PIK3C3: variants seen among roughly 807,000 people sequenced by gnomAD.
The protein encoded by PIK3C3 is phosphatidylinositol 3-kinase catalytic subunit type 3.
Under a neutral mutation model 126.1 loss-of-function variants are expected in PIK3C3, and 95 were observed. The ratio of observed to expected loss-of-function variants is 0.75; its 90% CI spans 0.64 to 0.89. The LOEUF (loss-of-function observed/expected upper bound fraction) is 0.89, where lower values mean the gene tolerates loss of function less well. Ranked by LOEUF, PIK3C3 falls within the 40% of genes least tolerant of loss-of-function variation. PIK3C3 has a pLI of 0.00. For missense variants in PIK3C3, 829 were observed against 1,063.2 expected (o/e 0.78, Z 3.06); for synonymous variants, 374 against 360.0 (o/e 1.04, Z -0.44).
chr18:42,049,711 C>T (rs1276588657), intron 21 of PIK3C3, 106 bp downstream of exon 21: 30 of 860,396 alleles, frequency 3.5e-5, no homozygotes, highest in South Asian at 4.4e-5. Flanking sequence ...CGGTGGCTCA[C>T]GCCCGTAATC....
intron 10 of PIK3C3, among the ~76,000 whole-genome samples, chr18:42,008,500 G>A (rs1194310737): frequency 6.6e-6 from 1 of 152,080 alleles, no homozygotes; most frequent in Non-Finnish European, 1.5e-5. Context: ...TCTATGGAGA[G>A]TTATTCTTAA....
At chr18:42,077,597 C>T (rs1157094294) in intron 24 of PIK3C3, among the ~76,000 whole-genome samples, 6 of 152,220 alleles carry the variant, frequency 3.9e-5, no homozygotes, top group African/African-American at 1.4e-4. Flanking sequence ...GCAATTCAGT[C>T]ACATATTCAG....
At chr18:41,956,783 T>G (rs1979799055) in intron 1 of PIK3C3, among the ~76,000 whole-genome samples, 1 of 152,188 alleles carries the variant, frequency 6.6e-6, no homozygotes, top group African/African-American at 2.4e-5. Context: ...GTGTTTATTC[T>G]CAGCTCTGTT....
chr18:42,043,641 C>T (rs1175273306), intron 19 of PIK3C3, 92 bp from the exon 20 acceptor site: 3 of 770,724 alleles, frequency 3.9e-6, no homozygotes, highest in East Asian at 2.6e-5. Context: ...AAGCTTTATG[C>T]TAGACACTTG....
At chr18:42,030,088 A>G (rs1174518290) in intron 15 of PIK3C3, among the ~76,000 whole-genome samples, 2 of 152,166 alleles carry the variant, frequency 1.3e-5, no homozygotes, top group South Asian at 2.1e-4. Context: ...ACAGTGCTTT[A>G]CCACCTCTCA....
intron 12 of PIK3C3, among the ~76,000 whole-genome samples, chr18:42,017,886 CTG>C (rs898886207): frequency 2.6e-5 from 4 of 151,962 alleles, no homozygotes; most frequent in Non-Finnish European, 5.9e-5. Flanking sequence ...GTTTAACACT[CTG>C]TTTTATAACT....
chr18:42,071,432 G>C (rs1985767514), intron 24 of PIK3C3, among the ~76,000 whole-genome samples: 1 of 152,046 alleles, frequency 6.6e-6, no homozygotes, highest in Non-Finnish European at 1.5e-5. Flanking sequence ...ATAAAAAGTT[G>C]TTTTCAGCCT....
Position 41,996,660 on chromosome 18 carries a change from C to G in PIK3C3, c.914C>G (p.Thr305Ser). 6.4e-7 allele frequency: 1 copy of G among 1,571,286 alleles called. No individual in the cohort carries two copies. The highest frequency in any genetic ancestry group is 2.3e-5 in the East Asian group (1 of 43,498). Residue 305 changes from threonine (T) to serine (S), a missense_variant, in exon 9 of 25, where the codon ACC becomes AGC. By Grantham distance (58) the Thr-to-Ser change is moderately conservative. Transcript: ENST00000262039. ...TAGATTATTGTGAGTTATCCACCAA[C>G]CAAGCAACTTACATATGAAGAACAA... is the stretch of plus-strand genomic sequence containing the variant. Reference protein sequence around the residue: ...QLNIIVSYPPTKQLTYEEQDL... With the variant: ...QLNIIVSYPPSKQLTYEEQDL...
At chr18:42,013,296 A>G (rs1215997812) in intron 10 of PIK3C3, 146 bp from the exon 11 acceptor site, 2 of 560,586 alleles carry the variant, frequency 3.6e-6, no homozygotes, top group African/African-American at 2.0e-5. Context: ...CAGAGAAGTT[A>G]AGTAATTTGG....
chr18:41,998,925 G>T (rs1392836746), intron 9 of PIK3C3, among the ~76,000 whole-genome samples: 1 of 152,134 alleles, frequency 6.6e-6, no homozygotes, highest in Non-Finnish European at 1.5e-5. Context: ...CAGAAATTAT[G>T]ATTTAGGTTA....
chr18:42,028,161 A>T (rs1983658749), intron 14 of PIK3C3, among the ~76,000 whole-genome samples: 1 of 151,950 alleles, frequency 6.6e-6, no homozygotes, highest in African/African-American at 2.4e-5. Context: ...TAAAATATTT[A>T]CTCTTTGACC....
At chr18:42,003,094 A>G (rs1199767037) in intron 9 of PIK3C3, among the ~76,000 whole-genome samples, 1 of 152,194 alleles carries the variant, frequency 6.6e-6, no homozygotes, top group Non-Finnish European at 1.5e-5. Context: ...GAGGTTATAT[A>G]CAATTTAAGC....
intron 21 of PIK3C3, chr18:42,050,973 A>G (rs1416379853): frequency 1.3e-5 from 2 of 152,250 alleles, no homozygotes; most frequent in Non-Finnish European, 2.9e-5. Context: ...GTAATAACAT[A>G]TCTGCCCTCT....
In PIK3C3 at chr18:41,982,091, A is replaced by G. The variant is rs903626967; in HGVS notation, c.532-5721A>G. 1.2e-4 allele frequency among the ~76,000 whole-genome samples: 19 copies of G among 152,300 alleles called. 1 individual carries two copies. The highest frequency in any genetic ancestry group is 9.2e-4 in the Admixed American group (14 of 15,292). ...TATAATTCTAGTGCACCATGCAACT[A>G]TATTAGCAGACAAAGATATTGTCTT... On this transcript the variant is annotated intron_variant, in intron 4 of 24. Transcript: ENST00000262039.
chr18:41,996,857 T>C, intron 9 of PIK3C3, 127 bp downstream of exon 9: 1 of 460,510 alleles, frequency 2.2e-6, no homozygotes. Context: ...GCAGTATATA[T>C]GAGACTCCAT....
At chr18:41,987,957 T>C in intron 5 of PIK3C3, 59 bp downstream of exon 5, 2 of 1,034,830 alleles carry the variant, frequency 1.9e-6, no homozygotes, top group Non-Finnish European at 1.4e-6. Context: ...AATTAACAAT[T>C]TTTTGATAAG....
intron 14 of PIK3C3, among the ~76,000 whole-genome samples, 155 bp downstream of exon 14, chr18:42,027,703 G>A (rs958143956): frequency 6.6e-5 from 10 of 151,952 alleles, no homozygotes; most frequent in South Asian, 2.1e-4. Flanking sequence ...TACCCAGGCC[G>A]GAGTACAGTG....
Position 42,064,721 on chromosome 18 carries a change from C to A in PIK3C3, c.2433-19C>A. ...AATTCTTAATCGTTGCTATTTTTTT[C>A]TTTTCTGCTCTTCTTTAGGTATTCT... is the stretch of plus-strand genomic sequence containing the variant. On this transcript the variant is annotated intron_variant, in intron 22 of 24. Transcript: ENST00000262039. 1.6e-6 allele frequency: 2 copies of A among 1,265,592 alleles called. No individual in the cohort carries two copies. The highest frequency in any genetic ancestry group is 1.8e-5 in the Admixed American group (1 of 55,332). The allele number at this position is 1,265,592 out of a possible 1,614,324, so 78.4% of individuals were successfully genotyped here.
chr18:42,061,118 G>A (rs1289594804), intron 22 of PIK3C3, among the ~76,000 whole-genome samples: 1 of 152,206 alleles, frequency 6.6e-6, no homozygotes, highest in South Asian at 2.1e-4. Context: ...TAGTTGGCAT[G>A]AACGTGGGTA....
Sources: allele counts gnomAD v4.1 joint callset (sites outside exome capture counted in the v4.1 genomes callset), GRCh38; gene constraint gnomAD v4.1.1; transcripts MANE v1.5; gene names NCBI Gene and HGNC (gene_info 2026-07-23, HGNC 2026-07-21).